Variants in USP34 observed in about 807,000 individuals in gnomAD.
USP34 encodes ubiquitin carboxyl-terminal hydrolase 34.
A neutral mutation model predicts 460.3 loss-of-function variants in USP34; 70 were observed. The ratio of observed to expected loss-of-function variants is 0.15; its 90% CI spans 0.13 to 0.19. The LOEUF (loss-of-function observed/expected upper bound fraction) is 0.19, where lower values mean the gene tolerates loss of function less well. Ranked by LOEUF, USP34 falls within the 10% of genes least tolerant of loss-of-function variation. The pLI is 1.00. For synonymous variants in USP34, 1,647 were observed against 1,405.3 expected, an observed-to-expected ratio of 1.17 and a Z score of -3.85; for missense variants, 3,985 against 4,236.2, an observed-to-expected ratio of 0.94 and a Z score of 1.65.
At chr2:61,362,460 C>T (rs567619002) in intron 10 of USP34, among the ~76,000 whole-genome samples, 5 of 152,248 alleles carry the variant, frequency 3.3e-5, no homozygotes, top group African/African-American at 1.2e-4. Context: ...TACATACACA[C>T]ATAGGGATAT....
At chr2:61,330,024 GTT>G (rs1288600331) in intron 20 of USP34, among the ~76,000 whole-genome samples, 2 of 152,136 alleles carry the variant, frequency 1.3e-5, no homozygotes, top group African/African-American at 4.8e-5. Flanking sequence ...CAAAAGTAGT[GTT>G]TGCGGAAATG....
At chr2:61,240,633 G>C (rs1479340033) in intron 53 of USP34, among the ~76,000 whole-genome samples, 1 of 151,124 alleles carries the variant, frequency 6.6e-6, no homozygotes, top group Non-Finnish European at 1.5e-5. Flanking sequence ...AAATACAGTG[G>C]TGTGATCTCG....
intron 21 of USP34, among the ~76,000 whole-genome samples, chr2:61,324,179 T>C (rs1691014085): frequency 6.6e-6 from 1 of 152,174 alleles, no homozygotes; most frequent in Non-Finnish European, 1.5e-5. Context: ...AGTCAGTATA[T>C]GAAGGAAAAA....
rs1009226066 is a variant in USP34 at position 61,220,475 on chromosome 2, A to G, written c.7900-18T>C. ...TCAATCACCTACAAATAACATGACA[A>G]GAACAGAATATAAGGCCAACTGAAT... On this transcript the variant is annotated intron_variant, in intron 66 of 79. Transcript: ENST00000398571. 2.5e-6 allele frequency: 4 copies of G among 1,593,496 alleles called. No homozygotes were observed. Among genetic ancestry groups the G allele is most frequent in the Non-Finnish European group, 1.7e-6 (2 of 1,170,740 alleles).
chr2:61,243,675 A>G (rs1688340146), intron 51 of USP34, among the ~76,000 whole-genome samples: 1 of 151,536 alleles, frequency 6.6e-6, no homozygotes, highest in Non-Finnish European at 1.5e-5. Context: ...GATCAAGACC[A>G]TCCTAGCCAA....
intron 67 of USP34, among the ~76,000 whole-genome samples, chr2:61,218,985 G>A (rs970651112): frequency 6.6e-6 from 1 of 152,132 alleles, no homozygotes; most frequent in African/African-American, 2.4e-5. Context: ...CATACTCAAT[G>A]AGTGAGGAAT....
chr2:61,247,919 G>A (rs985666844), intron 49 of USP34, among the ~76,000 whole-genome samples: 1 of 152,106 alleles, frequency 6.6e-6, no homozygotes, highest in Non-Finnish European at 1.5e-5. Context: ...GGGCACAGTG[G>A]CTCACACCTG....
Position 61,283,191 on chromosome 2 carries a change from T to A in USP34, c.4952A>T (p.Asp1651Val). 6.2e-7 allele frequency: 1 copy of A among 1,613,648 alleles called. No homozygotes were observed. Among genetic ancestry groups the A allele is most frequent in the Non-Finnish European group, 8.5e-7 (1 of 1,179,742 alleles). The change falls in exon 37 of 80, where the codon GAT (aspartate) becomes GTT (valine). Residue 1651 changes from aspartate (D) to valine (V), a missense_variant. This residue lies in a region of USP34 where 1,114 missense variants were observed against 1,122.5 expected (regional missense o/e 0.99). Transcript: ENST00000398571. ...SLVKSSLADSDHLQDWLKKLT... is the reference protein window; with the variant it reads ...SLVKSSLADSVHLQDWLKKLT... ...TTTCTTTAGCCAATCTTGTAAATGA[T>A]CGCTATCAGCAAGGCTAGATTTCAC...
At chr2:61,356,003 G>A (rs1177753614) in intron 10 of USP34, among the ~76,000 whole-genome samples, 1 of 151,930 alleles carries the variant, frequency 6.6e-6, no homozygotes, top group Non-Finnish European at 1.5e-5. Flanking sequence ...AAGGTTACCA[G>A]AAAAAAACAA....
At chr2:61,448,855 CAA>C (rs925470714) in intron 1 of USP34, among the ~76,000 whole-genome samples, 6 of 152,050 alleles carry the variant, frequency 3.9e-5, no homozygotes, top group Admixed American at 3.3e-4. Context: ...TATTGAATAA[CAA>C]AAAGTGCAGG....
At chr2:61,445,222 TAAAAAAAAAAA>T (rs57854651) in intron 1 of USP34, among the ~76,000 whole-genome samples, 4 of 40,658 alleles carry the variant, frequency 9.8e-5, no homozygotes, top group African/African-American at 2.1e-4. Context: ...AGAACCACAC[TAAAAAAAAAAA>T]AAAAAAAAAA....
At chr2:61,297,058 A>G in intron 29 of USP34, 133 bp from the exon 30 acceptor site, 1 of 1,201,772 alleles carries the variant, frequency 8.3e-7, no homozygotes, top group Middle Eastern at 3.0e-4. Flanking sequence ...GTGAGAAATG[A>G]AACATTTGTT....
chr2:61,423,589 G>A (rs1013779211), intron 1 of USP34, among the ~76,000 whole-genome samples: 5 of 152,146 alleles, frequency 3.3e-5, no homozygotes, highest in African/African-American at 1.2e-4. Context: ...CTGGTTGGAA[G>A]ACATTATATT....
At chr2:61,436,077 A>C (rs1025807541) in intron 1 of USP34, among the ~76,000 whole-genome samples, 2 of 152,072 alleles carry the variant, frequency 1.3e-5, no homozygotes, top group Non-Finnish European at 2.9e-5. Flanking sequence ...ACAACAAAAA[A>C]ATTCAACAAT....
chr2:61,240,057 A>C (rs530124036), intron 53 of USP34, among the ~76,000 whole-genome samples: 2 of 149,756 alleles, frequency 1.3e-5, no homozygotes, highest in African/African-American at 2.5e-5. Flanking sequence ...CAAAAAAAAA[A>C]TTTTTTTTTT....
intron 10 of USP34, among the ~76,000 whole-genome samples, chr2:61,355,555 T>C (rs574040251): frequency 6.6e-6 from 1 of 152,184 alleles, no homozygotes; most frequent in East Asian, 1.9e-4. Flanking sequence ...TTAAATGTAA[T>C]CTCCATGTTA....
chr2:61,269,808 T>G (rs1689159348), intron 41 of USP34, among the ~76,000 whole-genome samples: 1 of 152,172 alleles, frequency 6.6e-6, no homozygotes, highest in East Asian at 1.9e-4. Context: ...TAATTATATA[T>G]ATTAATGGAA....
In USP34 at chr2:61,348,767, A is replaced by G; in HGVS notation, c.1663T>C (p.Ser555Pro). 4 of 1,611,672 alleles carry G rather than the reference A, an allele frequency of 2.5e-6. No homozygotes were observed. The highest frequency in any genetic ancestry group is 3.4e-6 in the Non-Finnish European group (4 of 1,179,300). ...ACCTATTTTCATACCTCTGTGTCTG[A>G]AAGTCGTTGTTGCACATGTTTGGTT... Reference protein sequence around the residue: ...NRTKHVQQRLSDTEESMQGSS... With the variant: ...NRTKHVQQRLPDTEESMQGSS... The change falls in exon 14 of 80, where the codon TCA becomes CCA. Residue 555 changes from serine (S) to proline (P), a missense_variant. Coordinates refer to ENST00000398571, the MANE Select transcript of USP34 (RefSeq NM_014709.4).
chr2:61,267,327 A>ACC (rs1689079708), intron 41 of USP34, among the ~76,000 whole-genome samples: 1 of 152,198 alleles, frequency 6.6e-6, no homozygotes, highest in Non-Finnish European at 1.5e-5. Context: ...GAAATTTTTG[A>ACC]AATGTTTTTC....
Sources: allele counts gnomAD v4.1 joint callset (sites outside exome capture counted in the v4.1 genomes callset), GRCh38; gene constraint gnomAD v4.1.1; regional missense constraint gnomAD v4.1.1; transcripts MANE v1.5; gene names NCBI Gene and HGNC (gene_info 2026-07-23, HGNC 2026-07-21).